The following NBAS variants were observed in gnomAD, a reference collection of about 807,000 sequenced individuals.
NBAS encodes the protein NBAS subunit of NRZ tethering complex, also known as NAG/BC035112 fusion.
In NBAS, 219 loss-of-function variants were observed where a neutral mutation model predicts 302.5. The observed-to-expected ratio is 0.72, with a 90% confidence interval of 0.65 to 0.81. The LOEUF (loss-of-function observed/expected upper bound fraction) is 0.81, where lower values mean the gene tolerates loss of function less well. Ranked by LOEUF, NBAS falls within the 30% of genes least tolerant of loss-of-function variation. NBAS has a pLI of 0.00. For missense variants in NBAS, 2,932 were observed against 2,841.6 expected, an observed-to-expected ratio of 1.03 and a Z score of -0.72; for synonymous variants, 1,118 against 1,021.6, an observed-to-expected ratio of 1.09 and a Z score of -1.80.
At chr2:14,841,797 A>C in the NBAS span, among the ~76,000 whole-genome samples, 1 of 152,008 alleles carries the variant, frequency 6.6e-6, no homozygotes, top group South Asian at 2.1e-4. Context: ...AAAGAAAATC[A>C]ACACAGAAAC....
At chr2:15,501,828 T>C (rs531626741) in intron 11 of NBAS, among the ~76,000 whole-genome samples, 44 of 151,870 alleles carry the variant, frequency 2.9e-4, no homozygotes, top group Admixed American at 6.6e-4. Context: ...AGTGGTACAA[T>C]CATGGCTCAC....
At chr2:14,802,904 G>T in the NBAS span, among the ~76,000 whole-genome samples, 4 of 130,274 alleles carry the variant, frequency 3.1e-5, no homozygotes, top group East Asian at 2.5e-4. Flanking sequence ...TGGGGGGAGG[G>T]GGGAGGGATA....
At chr2:15,026,484 A>AAAAAAAAAAAAAAAC in the NBAS span, among the ~76,000 whole-genome samples, 1 of 8,182 alleles carries the variant, frequency 1.2e-4, no homozygotes, top group Middle Eastern at 0.042. Flanking sequence ...AAAAAAAAAA[A>AAAAAAAAAAAAAAAC]AAAAAAAGTC....
the NBAS span, among the ~76,000 whole-genome samples, chr2:14,989,451 G>A: frequency 7.2e-5 from 11 of 151,942 alleles, no homozygotes; most frequent in Non-Finnish European, 1.5e-4. Flanking sequence ...CCAGCTACTC[G>A]GGAGTCTGAG....
chr2:15,551,652 C>T (rs1664390911), intron 5 of NBAS, 116 bp from the exon 6 acceptor site: 1 of 689,682 alleles, frequency 1.4e-6, no homozygotes. Context: ...CATATCTCCT[C>T]TCAGACATGG....
chr2:15,059,960 A>C, the NBAS span, among the ~76,000 whole-genome samples: 161 of 108,708 alleles, frequency 1.5e-3, 1 homozygote, highest in African/African-American at 7.0e-3. Flanking sequence ...AAAAAAAAAA[A>C]AAACAAAAAA....
At chr2:15,465,864 CTTTTTAAAAAAGATATCA>C (rs1679699826) in intron 19 of NBAS, among the ~76,000 whole-genome samples, 1 of 152,012 alleles carries the variant, frequency 6.6e-6, no homozygotes, top group Non-Finnish European at 1.5e-5. Flanking sequence ...ATTTTAGGCA[CTTTTTAAAAAAGATATCA>C]TTAGAGAAAC....
chr2:14,938,029 G>A, the NBAS span, among the ~76,000 whole-genome samples: 1 of 152,120 alleles, frequency 6.6e-6, no homozygotes, highest in African/African-American at 2.4e-5. Flanking sequence ...TCAGGAGGCT[G>A]AGGCAGAAGA....
intron 47 of NBAS, among the ~76,000 whole-genome samples, chr2:15,228,249 G>GA (rs1055386166): frequency 5.9e-5 from 9 of 151,874 alleles, no homozygotes; most frequent in African/African-American, 9.7e-5. Flanking sequence ...ATAAATATAT[G>GA]AAAAAAAATG....
the NBAS span, among the ~76,000 whole-genome samples, chr2:15,137,906 G>T: frequency 2.0e-5 from 3 of 152,186 alleles, no homozygotes; most frequent in African/African-American, 7.2e-5. Flanking sequence ...CCACTGAGTA[G>T]CTGGGACTAC....
chr2:14,947,007 T>G, the NBAS span, among the ~76,000 whole-genome samples: 1 of 151,950 alleles, frequency 6.6e-6, no homozygotes, highest in Non-Finnish European at 1.5e-5. Context: ...ATCTATGAAA[T>G]ACAACAAAAG....
chr2:15,380,261 T>C (rs978575659), intron 29 of NBAS, among the ~76,000 whole-genome samples: 20 of 152,192 alleles, frequency 1.3e-4, no homozygotes, highest in African/African-American at 2.7e-4. Context: ...TTTTCATTTT[T>C]AATATGGGTT....
At chr2:15,428,175 T>C (rs1231888940) in intron 21 of NBAS, among the ~76,000 whole-genome samples, 1 of 152,214 alleles carries the variant, frequency 6.6e-6, no homozygotes, top group Non-Finnish European at 1.5e-5. Flanking sequence ...CAGAACTTCC[T>C]GTGATCACAG....
the NBAS span, among the ~76,000 whole-genome samples, chr2:15,120,516 TAA>T: frequency 1.2e-4 from 17 of 145,466 alleles, no homozygotes; most frequent in East Asian, 9.9e-4. Context: ...CTTTTCAGGT[TAA>T]AAAAAAAAAA....
At chr2:15,463,788 C>CAAAAAAAAAAAAAAAA (rs55808465) in intron 19 of NBAS, among the ~76,000 whole-genome samples, 7 of 91,636 alleles carry the variant, frequency 7.6e-5, no homozygotes, top group African/African-American at 3.0e-4. Flanking sequence ...GAACCAAATG[C>CAAAAAAAAAAAAAAAA]AAAAAAAAAA....
chr2:15,008,485 C>T, the NBAS span, among the ~76,000 whole-genome samples: 2 of 152,214 alleles, frequency 1.3e-5, no homozygotes, highest in South Asian at 4.1e-4. Flanking sequence ...ACTTAGGTAA[C>T]CAGGAACTTG....
chr2:15,234,776 G>C (rs1667522072), intron 45 of NBAS, 29 bp from the exon 46 acceptor site: 1 of 1,600,186 alleles, frequency 6.2e-7, no homozygotes, highest in Admixed American at 1.7e-5. Context: ...CAGCACTTAA[G>C]TATCAAATAG....
At chr2:15,505,543 G>A (rs1046215919) in intron 10 of NBAS, among the ~76,000 whole-genome samples, 2 of 152,064 alleles carry the variant, frequency 1.3e-5, no homozygotes, top group African/African-American at 2.4e-5. Flanking sequence ...CAACATCAGA[G>A]GATCCACGCC....
the NBAS span, among the ~76,000 whole-genome samples, chr2:15,002,472 C>T: frequency 6.6e-6 from 1 of 152,196 alleles, no homozygotes; most frequent in Non-Finnish European, 1.5e-5. Context: ...GCTGGCTTCA[C>T]CCAGTGGATC....
Sources: allele counts gnomAD v4.1 joint callset (sites outside exome capture counted in the v4.1 genomes callset), GRCh38; gene constraint gnomAD v4.1.1; transcripts MANE v1.5; gene names NCBI Gene and HGNC (gene_info 2026-07-23, HGNC 2026-07-21).